CAPN13: variants seen among roughly 807,000 people sequenced by gnomAD.
CAPN13 encodes calpain 13.
A neutral mutation model predicts 98.4 loss-of-function variants in CAPN13; 90 were observed. That is an observed-to-expected ratio of 0.92 (90% confidence interval 0.77 to 1.09). The LOEUF (loss-of-function observed/expected upper bound fraction) is 1.09, where lower values mean the gene tolerates loss of function less well. CAPN13 is among the 50% of genes least tolerant of loss of function. The probability of loss-of-function intolerance (pLI) is 0.00; values close to 1 mark genes in which losing one functional copy is unlikely to be tolerated. For missense variants in CAPN13, 887 were observed against 841.3 expected, an observed-to-expected ratio of 1.05 and a Z score of -0.67; for synonymous variants, 330 against 305.5, an observed-to-expected ratio of 1.08 and a Z score of -0.84.
At chr2:30,771,784 G>A (rs1367984428) in intron 4 of CAPN13, among the ~76,000 whole-genome samples, 1 of 152,210 alleles carries the variant, frequency 6.6e-6, no homozygotes, top group Non-Finnish European at 1.5e-5. Context: ...AGCAACAGAT[G>A]TTGAACAAGA....
At chr2:30,736,613 G>A (rs1671380378) in intron 17 of CAPN13, 42 bp from the exon 18 acceptor site, 4 of 1,586,464 alleles carry the variant, frequency 2.5e-6, no homozygotes, top group Non-Finnish European at 3.5e-6. Flanking sequence ...CGTGCAAGGT[G>A]CAGAGGGGCT....
intron 1 of CAPN13, among the ~76,000 whole-genome samples, chr2:30,802,448 A>AAT (rs1193776867): frequency 1.4e-5 from 2 of 138,150 alleles, no homozygotes; most frequent in African/African-American, 5.5e-5. Context: ...AGGAGCTTAG[A>AAT]ATGTGTGTGT....
chr2:30,730,918 C>T (rs1671049670), intron 21 of CAPN13, 132 bp from the exon 22 acceptor site: 1 of 706,420 alleles, frequency 1.4e-6, no homozygotes, highest in South Asian at 1.6e-5. Flanking sequence ...AATTCCAACC[C>T]AAGCAGGGTA....
chr2:30,799,889 C>T (rs60213981), intron 1 of CAPN13, among the ~76,000 whole-genome samples: 27,057 of 151,674 alleles, frequency 0.18, 2,683 homozygotes, highest in African/African-American at 0.26. Flanking sequence ...CTAGCTAACA[C>T]GGTGAAACCC....
intron 22 of CAPN13, among the ~76,000 whole-genome samples, chr2:30,724,549 C>G (rs1283380736): frequency 6.6e-6 from 1 of 152,214 alleles, no homozygotes; most frequent in Non-Finnish European, 1.5e-5. Flanking sequence ...TCTTCCTCCT[C>G]CTTGGTTTAT....
rs557182744 is a variant in CAPN13, at chr2:30,745,535, A to G, written c.1248+188T>C. On this transcript the variant is annotated intron_variant, in intron 12 of 22. Transcript: ENST00000295055. Reference sequence around the variant, plus strand: ...GCTCAAAGGGTCGAAGCTTCAGACCAGGACACCTAACTATTCTCCTGCTTT... The same window carrying G: ...GCTCAAAGGGTCGAAGCTTCAGACCGGGACACCTAACTATTCTCCTGCTTT... Among the ~76,000 whole-genome samples the G allele has an allele frequency of 2.0e-5, 3 of 152,358 alleles. No individual in the cohort carries two copies. The East Asian group carries it at 5.8e-4, about 29-fold the overall frequency.
intron 1 of CAPN13, among the ~76,000 whole-genome samples, chr2:30,798,139 G>A (rs1300351520): frequency 6.6e-6 from 1 of 152,252 alleles, no homozygotes; most frequent in Non-Finnish European, 1.5e-5. Flanking sequence ...CGTAGCTATT[G>A]AGCACTTGAA....
Position 30,734,450 on chromosome 2 carries a change from T to G in CAPN13, c.1797A>C (p.Thr599=). The G allele has an allele frequency of 1.2e-6, 2 of 1,613,396 alleles. No individual in the cohort carries two copies. Among genetic ancestry groups the G allele is most frequent in the Non-Finnish European group, 1.7e-6 (2 of 1,179,448 alleles). ...ACAGCTCCAAAGTCCCCATTGTACC[T>G]GTATTCTCTATGGCCTTCCACAAGT... is the stretch of plus-strand genomic sequence containing the variant. The part of the protein sequence containing the change: ...SSDLWKAIEN[T]DFLRGIFISR... The change falls in exon 19 of 23, where the codon ACA becomes ACC. Residue 599 remains threonine (T), a splice_region_variant and synonymous_variant. Transcript: ENST00000295055.
chr2:30,741,022 G>T (rs1671624904), intron 15 of CAPN13, among the ~76,000 whole-genome samples: 1 of 152,166 alleles, frequency 6.6e-6, no homozygotes, highest in African/African-American at 2.4e-5. Flanking sequence ...CTGCCTTCGG[G>T]AGCTTACAGA....
chr2:30,787,350 G>T lies in CAPN13; in HGVS notation c.-25C>A, dbSNP rs372875232. On this transcript the variant is annotated 5_prime_UTR_variant, in exon 2 of 23. Coordinates refer to ENST00000295055, the MANE Select transcript of CAPN13 (RefSeq NM_144575.3). ...TGACTCTCCTTAGAAGACTTCCGAG[G>T]TCCTTTCCTGTTGGTGAGAAAAAGG... is the stretch of plus-strand genomic sequence containing the variant. The T allele has an allele frequency of 3.1e-4, 494 of 1,588,266 alleles. No homozygotes were observed. Among genetic ancestry groups the T allele is most frequent in the Non-Finnish European group, 3.9e-4 (459 of 1,168,174 alleles).
chr2:30,768,027 T>C (rs987074982), intron 5 of CAPN13, among the ~76,000 whole-genome samples: 58 of 152,330 alleles, frequency 3.8e-4, no homozygotes, highest in Non-Finnish European at 6.0e-4. Flanking sequence ...TGCTCTCCAC[T>C]CATTTTCTCC....
At chr2:30,763,982 G>T (rs750782104) in intron 6 of CAPN13, 150 bp downstream of exon 6, 130 of 744,984 alleles carry the variant, frequency 1.7e-4, no homozygotes, top group Non-Finnish European at 2.7e-4. Flanking sequence ...CTACTGCAGG[G>T]TTCAATGGGG....
intron 7 of CAPN13, 69 bp from the exon 8 acceptor site, chr2:30,758,206 A>G: frequency 1.7e-6 from 2 of 1,205,914 alleles, no homozygotes; most frequent in African/African-American, 1.6e-5. Context: ...GGATGAATGC[A>G]GCTGCTTTTT....
chr2:30,796,246 A>G (rs1212887800), intron 1 of CAPN13, among the ~76,000 whole-genome samples: 2 of 148,104 alleles, frequency 1.4e-5, no homozygotes, highest in Non-Finnish European at 3.0e-5. Flanking sequence ...GTGTGCATAT[A>G]TATATACGTA....
At chr2:30,770,550 C>G in intron 4 of CAPN13, 101 bp from the exon 5 acceptor site, 1 of 1,377,190 alleles carries the variant, frequency 7.3e-7, no homozygotes, top group South Asian at 1.4e-5. Context: ...CTCTACAATG[C>G]AATAATGAAC....
At chr2:30,805,652 G>C (rs1675575728) in intron 1 of CAPN13, among the ~76,000 whole-genome samples, 1 of 151,752 alleles carries the variant, frequency 6.6e-6, no homozygotes, top group Admixed American at 6.6e-5. Context: ...ACCCCCAAGA[G>C]GTTAAGGAGC....
At chr2:30,736,028 G>C (rs1382868559) in intron 18 of CAPN13, among the ~76,000 whole-genome samples, 1 of 152,112 alleles carries the variant, frequency 6.6e-6, no homozygotes, top group African/African-American at 2.4e-5. Flanking sequence ...AGTGGAAAGG[G>C]CTTCTCCTGG....
chr2:30,749,592 G>A (rs1289945260), intron 11 of CAPN13, among the ~76,000 whole-genome samples: 1 of 152,158 alleles, frequency 6.6e-6, no homozygotes, highest in Non-Finnish European at 1.5e-5. Context: ...GTCTGTTAAA[G>A]GACCTCTGAT....
intron 13 of CAPN13, 92 bp downstream of exon 13, chr2:30,743,291 C>T: frequency 1.8e-6 from 2 of 1,121,032 alleles, no homozygotes; most frequent in Admixed American, 1.7e-5. Flanking sequence ...GCACAGGCTG[C>T]ACGAATGCAC....
Sources: gnomAD v4.1 joint callset for allele counts (sites outside exome capture counted in the v4.1 genomes callset) on GRCh38, gnomAD v4.1.1 for gene constraint, MANE v1.5 for transcripts, NCBI Gene and HGNC (gene_info 2026-07-23, HGNC 2026-07-21) for gene names.